Variants in DSCAM observed in about 807,000 individuals in gnomAD.
DSCAM encodes the protein cell adhesion molecule DSCAM.
A neutral mutation model predicts 217.7 loss-of-function variants in DSCAM; 47 were observed. The observed-to-expected ratio is 0.22, with a 90% CI of 0.17 to 0.28. DSCAM has a LOEUF of 0.28. Among genes scored for constraint, DSCAM ranks in the 10% least tolerant of loss-of-function variants. The pLI, the probability that DSCAM is intolerant of heterozygous loss-of-function variation, is 1.00. For missense variants in DSCAM, 2,080 were observed against 2,618.3 expected (o/e 0.79, Z 4.49); for synonymous variants, 1,056 against 1,015.3 (o/e 1.04, Z -0.76).
intron 1 of DSCAM, among the ~76,000 whole-genome samples, chr21:40,777,652 A>C (rs958969382): frequency 1.3e-5 from 2 of 152,236 alleles, no homozygotes; most frequent in African/African-American, 4.8e-5. Context: ...AGAGACACTA[A>C]GATAAATAAA....
At chr21:40,246,537 T>C (rs1473570926) in intron 11 of DSCAM, among the ~76,000 whole-genome samples, 1 of 150,226 alleles carries the variant, frequency 6.7e-6, no homozygotes, top group Non-Finnish European at 1.5e-5. Context: ...AGAGACTCTA[T>C]ATCAAAGAAA....
chr21:40,323,493 C>T (rs2074282867), intron 8 of DSCAM, among the ~76,000 whole-genome samples: 1 of 152,008 alleles, frequency 6.6e-6, no homozygotes, highest in African/African-American at 2.4e-5. Flanking sequence ...TTGTTATTTT[C>T]CCTCAGAACA....
chr21:40,054,818 C>T (rs1231815921), intron 29 of DSCAM, among the ~76,000 whole-genome samples: 5 of 152,174 alleles, frequency 3.3e-5, no homozygotes, highest in South Asian at 2.1e-4. Context: ...CCTGGTTCTG[C>T]GCCTGTCTCT....
At chr21:40,812,221 G>A (rs946398916) in intron 1 of DSCAM, among the ~76,000 whole-genome samples, 10 of 152,150 alleles carry the variant, frequency 6.6e-5, no homozygotes, top group South Asian at 2.1e-4. Flanking sequence ...GCCAGAAATC[G>A]TTACCATCTG....
chr21:40,647,654 T>C (rs934770206), intron 3 of DSCAM, among the ~76,000 whole-genome samples: 40 of 152,224 alleles, frequency 2.6e-4, no homozygotes, highest in Admixed American at 2.2e-3. Flanking sequence ...GGATAAAAAC[T>C]ATATATTATT....
At chr21:40,417,910 T>C (rs1460712714) in intron 3 of DSCAM, among the ~76,000 whole-genome samples, 1 of 152,200 alleles carries the variant, frequency 6.6e-6, no homozygotes, top group African/African-American at 2.4e-5. Flanking sequence ...TCCTCATGTA[T>C]AAACGGGGAA....
chr21:40,741,136 G>A (rs2091119498), intron 1 of DSCAM, among the ~76,000 whole-genome samples: 1 of 152,156 alleles, frequency 6.6e-6, no homozygotes, highest in South Asian at 2.1e-4. Flanking sequence ...ACACAAAATA[G>A]TGAGAGTGGT....
chr21:40,298,043 G>A (rs2073974454), intron 9 of DSCAM, among the ~76,000 whole-genome samples: 1 of 151,460 alleles, frequency 6.6e-6, no homozygotes, highest in Non-Finnish European at 1.5e-5. Context: ...TGCTGTAAGA[G>A]TGTTGATTAA....
chr21:40,102,575 T>C (rs924926735), intron 20 of DSCAM, among the ~76,000 whole-genome samples: 1 of 152,202 alleles, frequency 6.6e-6, no homozygotes, highest in Non-Finnish European at 1.5e-5. Flanking sequence ...AGACCTGCCT[T>C]CATTCCACAA....
At chr21:40,031,750 A>G (rs75981866) in intron 32 of DSCAM, among the ~76,000 whole-genome samples, 3,523 of 152,248 alleles carry the variant, frequency 0.023, 131 homozygotes, top group African/African-American at 0.08. Flanking sequence ...TCGTCTTCCA[A>G]TGTGGCCTCC....
intron 3 of DSCAM, among the ~76,000 whole-genome samples, chr21:40,533,010 G>A (rs1348423423): frequency 1.3e-5 from 2 of 151,516 alleles, no homozygotes; most frequent in Admixed American, 6.6e-5. Flanking sequence ...GTCATCCGAA[G>A]CCTGGACAGA....
At chr21:40,541,706 C>A (rs73214145) in intron 3 of DSCAM, among the ~76,000 whole-genome samples, 30 of 152,142 alleles carry the variant, frequency 2.0e-4, no homozygotes, top group African/African-American at 6.0e-4. Flanking sequence ...GATGTCATTA[C>A]ATGTATTAAA....
intron 1 of DSCAM, among the ~76,000 whole-genome samples, chr21:40,760,593 G>T (rs2091323030): frequency 6.6e-6 from 1 of 152,222 alleles, no homozygotes; most frequent in Non-Finnish European, 1.5e-5. Flanking sequence ...AGCAGTCACT[G>T]CTTTGCCAGT....
chr21:40,779,171 C>G (rs1336037161), intron 1 of DSCAM, among the ~76,000 whole-genome samples: 3 of 151,364 alleles, frequency 2.0e-5, no homozygotes, highest in Non-Finnish European at 4.4e-5. Context: ...GACTTTTTAA[C>G]CTTGATCATT....
At chr21:40,341,718 T>A (rs552977254) in intron 6 of DSCAM, among the ~76,000 whole-genome samples, 5 of 152,208 alleles carry the variant, frequency 3.3e-5, no homozygotes, top group Admixed American at 2.0e-4. Flanking sequence ...ATATATATCA[T>A]CATAATCAGA....
In DSCAM at chr21:40,055,710, A is replaced by T. The variant is rs1568916493; in HGVS notation, c.5035+15T>A. On this transcript the variant is annotated intron_variant, in intron 29 of 32. Transcript: ENST00000400454. Reference sequence around the variant, plus strand: ...GGCAGCCACTTTGTGTAAAGTGGCAAATAGGGCAGCTTACCAATGGTCTCC... The same window carrying T: ...GGCAGCCACTTTGTGTAAAGTGGCATATAGGGCAGCTTACCAATGGTCTCC... 6.2e-7 allele frequency: 1 copy of T among 1,601,870 alleles called. No individual in the cohort carries two copies. The highest frequency in any genetic ancestry group is 8.6e-7 in the Non-Finnish European group (1 of 1,169,582).
At chr21:40,531,208 C>G (rs528972953) in intron 3 of DSCAM, among the ~76,000 whole-genome samples, 1 of 152,168 alleles carries the variant, frequency 6.6e-6, no homozygotes, top group African/African-American at 2.4e-5. Context: ...CCTGCTGGCA[C>G]CTGCAGCTTG....
chr21:40,784,626 T>A (rs1216813769), intron 1 of DSCAM, among the ~76,000 whole-genome samples: 1 of 152,180 alleles, frequency 6.6e-6, no homozygotes, highest in East Asian at 1.9e-4. Flanking sequence ...CCCAATGTGA[T>A]GTTATTCAGA....
chr21:40,385,753 G>A (rs2075078176), intron 3 of DSCAM, among the ~76,000 whole-genome samples: 1 of 152,138 alleles, frequency 6.6e-6, no homozygotes, highest in African/African-American at 2.4e-5. Flanking sequence ...CCCTCTGACA[G>A]CTCTTTGCAA....
Sources: allele counts gnomAD v4.1 joint callset (sites outside exome capture counted in the v4.1 genomes callset), GRCh38; gene constraint gnomAD v4.1.1; transcripts MANE v1.5; gene names NCBI Gene and HGNC (gene_info 2026-07-23, HGNC 2026-07-21).